Variants in RIPK2 observed in about 807,000 individuals in gnomAD.
RIPK2 encodes receptor-interacting serine/threonine-protein kinase 2.
RIPK2 carries 38 observed loss-of-function variants against 60.9 expected under a neutral mutation model. That is an observed-to-expected ratio of 0.62 (90% CI 0.48 to 0.82). RIPK2 has a LOEUF of 0.82. Among genes scored for constraint, RIPK2 ranks in the 40% least tolerant of loss-of-function variants. The pLI is 0.00. For synonymous variants in RIPK2, 225 were observed against 223.4 expected, an observed-to-expected ratio of 1.01 and a Z score of -0.06; for missense variants, 518 against 647.0, an observed-to-expected ratio of 0.80 and a Z score of 2.16.
At chr8:89,784,225 T>C in intron 8 of RIPK2, 86 bp downstream of exon 8, 1 of 804,850 alleles carries the variant, frequency 1.2e-6, no homozygotes, top group Non-Finnish European at 1.8e-6. Flanking sequence ...TAAGCCCTTC[T>C]TTTATAGAAG....
chr8:89,759,552 G>A (rs1303009114), intron 1 of RIPK2: 6 of 385,364 alleles, frequency 1.6e-5, no homozygotes, highest in African/African-American at 8.3e-5. Context: ...GTCAGGCTTC[G>A]ATGGCCTAAA....
At chr8:89,763,707 T>C (rs1809181762) in intron 2 of RIPK2, among the ~76,000 whole-genome samples, 1 of 152,136 alleles carries the variant, frequency 6.6e-6, no homozygotes, top group Admixed American at 6.6e-5. Flanking sequence ...CACAATGCCC[T>C]GTAAGTGGCC....
At chr8:89,764,778 A>G (rs1451765805) in intron 2 of RIPK2, among the ~76,000 whole-genome samples, 1 of 152,154 alleles carries the variant, frequency 6.6e-6, no homozygotes, top group African/African-American at 2.4e-5. Context: ...TAAATTAATT[A>G]TATGATTAAA....
intron 5 of RIPK2, 46 bp from the exon 6 acceptor site, chr8:89,772,621 T>C (rs779765532): frequency 7.3e-7 from 1 of 1,367,364 alleles, no homozygotes; most frequent in Non-Finnish European, 1.0e-6. Flanking sequence ...GTAATATGCT[T>C]AATCATAATA....
In RIPK2 at chr8:89,769,824, G is replaced by A. The variant is rs202080836; in HGVS notation, c.536G>A (p.Arg179Gln). ...CGCATGATGTCCCTCTCACAGTCAC[G>A]AAGTAGCAAATCTGCACCAGAAGGA... ...KWRMMSLSQS[R>Q]SSKSAPEGGT... The change falls in exon 4 of 11, where the codon CGA becomes CAA. Residue 179 changes from arginine to glutamine, a missense_variant. Around this residue, in one of 3 missense-constraint regions of RIPK2, gnomAD observed 448 missense variants for 534.7 expected, o/e 0.84. Transcript: ENST00000220751. 47 of 1,609,498 alleles carry A rather than the reference G, an allele frequency of 2.9e-5. No homozygotes were observed. Among genetic ancestry groups the A allele is most frequent in the African/African-American group, 5.4e-5 (4 of 74,502 alleles).
chr8:89,782,442 T>C (rs1809516130), intron 7 of RIPK2, among the ~76,000 whole-genome samples: 1 of 152,210 alleles, frequency 6.6e-6, no homozygotes, highest in African/African-American at 2.4e-5. Flanking sequence ...TAGTCACTTA[T>C]GTACATCTCA....
rs749582809 is a variant in RIPK2, at chr8:89,784,066, G to A, written c.956G>A (p.Ser319Asn). ...TCATTACAGTTACAGAGTGTTTCAA[G>A]TGCCATTCACCTATGTGACAAGAAG... Reference protein sequence around the residue: ...LKKTKLQSVSSAIHLCDKKKM... With the variant: ...LKKTKLQSVSNAIHLCDKKKM... Residue 319 changes from serine to asparagine, a missense_variant, in exon 8 of 11, where the codon AGT (serine) becomes AAT (asparagine). This residue lies in a region of RIPK2 where 448 missense variants were observed against 534.7 expected (regional missense o/e 0.84). Coordinates refer to ENST00000220751, the MANE Select transcript of RIPK2 (RefSeq NM_003821.6). The A allele has an allele frequency of 1.3e-6, 2 of 1,558,392 alleles. No individual in the cohort carries two copies. Among genetic ancestry groups the A allele is most frequent in the Non-Finnish European group, 8.7e-7 (1 of 1,146,294 alleles).
At chr8:89,779,540 T>C (rs1315610373) in intron 6 of RIPK2, among the ~76,000 whole-genome samples, 3 of 152,080 alleles carry the variant, frequency 2.0e-5, no homozygotes, top group Non-Finnish European at 4.4e-5. Context: ...CAGGATGGTC[T>C]CAATCTCCTG....
At chr8:89,778,029 C>T (rs1809430258) in intron 6 of RIPK2, among the ~76,000 whole-genome samples, 1 of 151,540 alleles carries the variant, frequency 6.6e-6, no homozygotes. Context: ...TTGGACAAAC[C>T]TACTGAAAAG....
chr8:89,782,433 A>G (rs1286893094), intron 7 of RIPK2, among the ~76,000 whole-genome samples: 3 of 152,228 alleles, frequency 2.0e-5, no homozygotes, highest in Non-Finnish European at 4.4e-5. Flanking sequence ...TAGGGAAGTT[A>G]GTCACTTATG....
chr8:89,779,669 A>T (rs1305268434), intron 6 of RIPK2, among the ~76,000 whole-genome samples: 1 of 151,720 alleles, frequency 6.6e-6, no homozygotes, highest in Non-Finnish European at 1.5e-5. Flanking sequence ...ATATCTAAGA[A>T]CTCTGCCTAA....
intron 7 of RIPK2, chr8:89,780,885 T>G (rs1014418098): frequency 6.6e-6 from 1 of 151,862 alleles, no homozygotes; most frequent in Non-Finnish European, 1.5e-5. Context: ...AGAGTTGTAT[T>G]AAATACTCAG....
At chr8:89,759,623 A>T (rs1809112278) in intron 1 of RIPK2, among the ~76,000 whole-genome samples, 1 of 152,224 alleles carries the variant, frequency 6.6e-6, no homozygotes, top group South Asian at 2.1e-4. Flanking sequence ...ATCATAATCC[A>T]GATTCAGTGA....
At chr8:89,758,325 T>G in intron 1 of RIPK2, 92 bp downstream of exon 1, 7 of 1,332,660 alleles carry the variant, frequency 5.3e-6, no homozygotes, top group Admixed American at 2.4e-5. Flanking sequence ...CAAATGGCAG[T>G]GACCGCTTGG....
rs201291360 is a variant in RIPK2, at chr8:89,784,069, C to A, written c.959C>A (p.Ala320Asp). The stretch of plus-strand genomic sequence containing the variant: ...TTACAGTTACAGAGTGTTTCAAGTG[C>A]CATTCACCTATGTGACAAGAAGAAA... ...KKTKLQSVSS[A>D]IHLCDKKKME... Residue 320 changes from alanine (A) to aspartate (D), a missense_variant, in exon 8 of 11, where the codon GCC becomes GAC. By Grantham distance (126) the Ala-to-Asp change is moderately radical. This residue lies in a region of RIPK2 where 448 missense variants were observed against 534.7 expected (regional missense o/e 0.84). Transcript: ENST00000220751. 2.5e-6 allele frequency: 4 copies of A among 1,578,006 alleles called. No individual in the cohort carries two copies. Among genetic ancestry groups the A allele is most frequent in the Non-Finnish European group, 3.5e-6 (4 of 1,156,416 alleles).
chr8:89,780,359 G>A (rs1016694716), intron 7 of RIPK2, 199 bp downstream of exon 7: 6 of 327,024 alleles, frequency 1.8e-5, no homozygotes, highest in Non-Finnish European at 3.3e-5. Context: ...TCATTCAAAT[G>A]GCCACCTTCA....
chr8:89,784,006 T>A, intron 7 of RIPK2, 44 bp from the exon 8 acceptor site: 1 of 1,028,514 alleles, frequency 9.7e-7, no homozygotes, highest in Non-Finnish European at 1.5e-6. Context: ...AATTTCCTAA[T>A]CATCTCCAGT....
intron 7 of RIPK2, among the ~76,000 whole-genome samples, chr8:89,783,338 C>A (rs1171597288): frequency 6.6e-6 from 1 of 152,166 alleles, no homozygotes; most frequent in Non-Finnish European, 1.5e-5. Context: ...TTAAGTAAAT[C>A]ATCTACTCAG....
Position 89,790,410 on chromosome 8 carries a change from C to A in RIPK2, c.1617C>A (p.Ser539Arg). The change falls in exon 11 of 11, where the codon AGC becomes AGA. Residue 539 changes from serine to arginine, a missense_variant. Around this residue, in one of 3 missense-constraint regions of RIPK2, gnomAD observed 41 missense variants for 43.7 expected, o/e 0.94. Coordinates refer to ENST00000220751, the MANE Select transcript of RIPK2 (RefSeq NM_003821.6). Reference sequence around the variant, plus strand: ...CTTTAAATTTACTTCAAAATAAAAGCATGTAAGTGACTGTTTTTCAAGAAG... The same window carrying A: ...CTTTAAATTTACTTCAAAATAAAAGAATGTAAGTGACTGTTTTTCAAGAAG... ...SPSLNLLQNK[S>R]M is the part of the protein sequence containing the mutation. The A allele has an allele frequency of 1.3e-6, 2 of 1,569,358 alleles. No individual in the cohort carries two copies. Among genetic ancestry groups the A allele is most frequent in the Non-Finnish European group, 1.7e-6 (2 of 1,155,912 alleles).
Sources: gnomAD v4.1 joint callset for allele counts (sites outside exome capture counted in the v4.1 genomes callset) on GRCh38, gnomAD v4.1.1 for gene constraint, gnomAD v4.1.1 regional missense constraint, MANE v1.5 for transcripts, NCBI Gene and HGNC (gene_info 2026-07-23, HGNC 2026-07-21) for gene names.